Variants in AUTS2 observed in about 807,000 individuals in gnomAD.
The protein encoded by AUTS2 is autism susceptibility gene 2 protein.
In AUTS2, 17 loss-of-function variants were observed where a neutral mutation model predicts 112.4. The ratio of observed to expected loss-of-function variants is 0.15; its 90% CI spans 0.10 to 0.23. AUTS2 has a LOEUF of 0.23. AUTS2 is among the 10% of genes least tolerant of loss of function. AUTS2 has a pLI of 1.00. For synonymous variants in AUTS2, 751 were observed against 702.7 expected (o/e 1.07, Z -1.09); for missense variants, 1,510 against 1,701.6 (o/e 0.89, Z 1.98).
chr7:70,383,313 G>A (rs1277747289), intron 4 of AUTS2, among the ~76,000 whole-genome samples: 3 of 151,988 alleles, frequency 2.0e-5, no homozygotes, highest in African/African-American at 4.8e-5. Flanking sequence ...CACTCCATGC[G>A]GTTTGGGACC....
chr7:70,034,245 G>A (rs140931219), intron 2 of AUTS2, among the ~76,000 whole-genome samples: 1 of 152,300 alleles, frequency 6.6e-6, no homozygotes, highest in East Asian at 1.9e-4. Flanking sequence ...TAGATGAGGA[G>A]TTAGAAAAGC....
chr7:70,317,892 G>A (rs1005470686), intron 4 of AUTS2, among the ~76,000 whole-genome samples: 1 of 152,096 alleles, frequency 6.6e-6, no homozygotes, highest in Non-Finnish European at 1.5e-5. Flanking sequence ...GGTTTTGAAA[G>A]GTTATTAGAG....
chr7:70,287,389 A>C (rs1303431576), intron 4 of AUTS2, among the ~76,000 whole-genome samples: 1 of 152,220 alleles, frequency 6.6e-6, no homozygotes, highest in Non-Finnish European at 1.5e-5. Context: ...ATATTTTTAC[A>C]TGCTGTCAGA....
chr7:70,455,570 T>C (rs996470938), intron 5 of AUTS2, among the ~76,000 whole-genome samples: 1 of 152,110 alleles, frequency 6.6e-6, no homozygotes, highest in Non-Finnish European at 1.5e-5. Context: ...CACATCACAG[T>C]CACTCAGAGT....
At chr7:70,252,315 C>G (rs536267134) in intron 4 of AUTS2, among the ~76,000 whole-genome samples, 1 of 152,250 alleles carries the variant, frequency 6.6e-6, no homozygotes, top group Admixed American at 6.5e-5. Context: ...TTTGATATCT[C>G]ATTGTGGCTT....
At position 70,592,412 on chromosome 7, in the gene AUTS2, G is replaced by A. The variant is rs1802992809; in HGVS notation, c.691-106157G>A. 2.0e-5 allele frequency among the ~76,000 whole-genome samples: 3 copies of A among 151,862 alleles called. 1 individual carries two copies. The South Asian group carries it at 6.3e-4, about 32-fold the overall frequency. ...TGGAGTCTTGCCCTGTTGACAGGCT[G>A]GAGTACAGTTGCACAATCTCAGCTC... On this transcript the variant is annotated intron_variant, in intron 5 of 18. Transcript: ENST00000342771.
intron 5 of AUTS2, among the ~76,000 whole-genome samples, chr7:70,499,078 G>A (rs1171694184): frequency 1.3e-5 from 2 of 152,130 alleles, no homozygotes; most frequent in Non-Finnish European, 2.9e-5. Flanking sequence ...GTCTTGCTGG[G>A]CACTGAGGTG....
At chr7:69,602,122 GGTTTT>G (rs1792472209) in intron 1 of AUTS2, among the ~76,000 whole-genome samples, 1 of 146,776 alleles carries the variant, frequency 6.8e-6, no homozygotes, top group Non-Finnish European at 1.5e-5. Context: ...TCTTTTTGAT[GGTTTT>G]ATTTTTAACA....
intron 1 of AUTS2, among the ~76,000 whole-genome samples, chr7:69,646,760 T>A (rs1252973259): frequency 6.6e-6 from 1 of 151,106 alleles, no homozygotes; most frequent in African/African-American, 2.5e-5. Context: ...TTCCTGTTAG[T>A]CCCTGAACTC....
At chr7:69,933,978 C>T (rs2129544213) in intron 2 of AUTS2, among the ~76,000 whole-genome samples, 1 of 152,290 alleles carries the variant, frequency 6.6e-6, no homozygotes, top group South Asian at 2.1e-4. Flanking sequence ...TGTTAAAATT[C>T]TGCACTGGTT....
intron 4 of AUTS2, among the ~76,000 whole-genome samples, chr7:70,310,623 A>AG (rs1243265546): frequency 7.2e-5 from 11 of 151,728 alleles, no homozygotes; most frequent in Admixed American, 6.6e-5. Flanking sequence ...AAAAAAAAAA[A>AG]AAAGAAAGAA....
Position 70,127,320 on chromosome 7 carries a change from A to C in AUTS2, c.625-7216A>C, listed in dbSNP as rs181214337. Among the ~76,000 whole-genome samples the C allele has an allele frequency of 2.3e-4, 32 of 136,666 alleles. 1 individual carries two copies. The East Asian group carries it at 7.0e-3, about 30-fold the overall frequency. 89.7% of individuals were successfully genotyped at this position (136,666 alleles called of 152,430 possible). A position where few individuals can be genotyped will look rare whatever the true frequency, so the allele number is the denominator to read the frequency against. The stretch of plus-strand genomic sequence containing the variant: ...GGCTAATTTTTGTATTTTTAGTAGA[A>C]ATGGGGTTTCGCCATGTTGGCCAGG... On this transcript the variant is annotated intron_variant, in intron 3 of 18. Transcript: ENST00000342771.
chr7:70,297,129 T>C (rs942531131), intron 4 of AUTS2, among the ~76,000 whole-genome samples: 5 of 151,712 alleles, frequency 3.3e-5, no homozygotes, highest in Non-Finnish European at 7.4e-5. Flanking sequence ...GGATTACAGA[T>C]GTAAGCTGCT....
chr7:69,712,802 T>G (rs1798389768), intron 1 of AUTS2, among the ~76,000 whole-genome samples: 1 of 152,198 alleles, frequency 6.6e-6, no homozygotes. Flanking sequence ...TGCCACAGTT[T>G]TCTCAAGTGT....
intron 9 of AUTS2, among the ~76,000 whole-genome samples, chr7:70,767,139 C>T (rs1342528227): frequency 6.6e-6 from 1 of 152,036 alleles, no homozygotes; most frequent in Non-Finnish European, 1.5e-5. Flanking sequence ...TTTAATATTT[C>T]AGGAAATACT....
intron 2 of AUTS2, among the ~76,000 whole-genome samples, chr7:70,084,427 G>A (rs970628346): frequency 1.5e-4 from 23 of 152,258 alleles, no homozygotes; most frequent in Non-Finnish European, 7.4e-5. Flanking sequence ...AATGTACTAG[G>A]TATATGCTAA....
At chr7:70,064,898 C>G (rs1802418092) in intron 2 of AUTS2, among the ~76,000 whole-genome samples, 1 of 152,140 alleles carries the variant, frequency 6.6e-6, no homozygotes, top group South Asian at 2.1e-4. Context: ...ATTACTTTGT[C>G]TGTGGGTTAC....
chr7:69,612,637 G>A (rs1451601394), intron 1 of AUTS2, among the ~76,000 whole-genome samples: 2 of 151,930 alleles, frequency 1.3e-5, no homozygotes, highest in African/African-American at 2.4e-5. Context: ...TTTATTATTT[G>A]TAGAGACGGA....
chr7:70,007,881 C>A (rs949912416), intron 2 of AUTS2, among the ~76,000 whole-genome samples: 2 of 152,174 alleles, frequency 1.3e-5, no homozygotes, highest in Non-Finnish European at 2.9e-5. Context: ...TGCGCTCTCA[C>A]CATCTTCACA....
Sources: allele counts gnomAD v4.1 joint callset (sites outside exome capture counted in the v4.1 genomes callset), GRCh38; gene constraint gnomAD v4.1.1; transcripts MANE v1.5; gene names NCBI Gene and HGNC (gene_info 2026-07-23, HGNC 2026-07-21).